The following NCOA2 variants were observed in gnomAD, a reference collection of about 807,000 sequenced individuals.
NCOA2 encodes nuclear receptor coactivator 2, also known as class E basic helix-loop-helix protein 75.
NCOA2 carries 21 observed loss-of-function variants against 145.1 expected under a neutral mutation model. That is an observed-to-expected ratio of 0.14 (90% confidence interval 0.10 to 0.21). The LOEUF (loss-of-function observed/expected upper bound fraction) is 0.21. NCOA2 is among the 10% of genes least tolerant of loss of function. NCOA2 has a pLI of 1.00. For synonymous variants in NCOA2, 619 were observed against 637.5 expected (o/e 0.97, Z 0.44); for missense variants, 1,472 against 1,837.6 (o/e 0.80, Z 3.64).
rs147816254 is a variant in NCOA2 at position 70,341,071 on chromosome 8, C to T, written c.-76-44271G>A. The stretch of plus-strand genomic sequence containing the variant: ...TACATCCTGCATGTGTACCCCTGAA[C>T]TTAAAAAGTTGAAAAAAAAAAAAAA... On this transcript the variant is annotated intron_variant, in intron 1 of 22. Coordinates refer to ENST00000452400, the MANE Select transcript of NCOA2 (RefSeq NM_006540.4). Among the ~76,000 whole-genome samples the T allele has an allele frequency of 8.7e-5, 10 of 114,974 alleles. No homozygotes were observed. The East Asian group carries it at 2.9e-3, about 33-fold the overall frequency. 75.4% of individuals were successfully genotyped at this position (114,974 alleles called of 152,430 possible).
chr8:70,226,017 A>T (rs1820601296), intron 2 of NCOA2, among the ~76,000 whole-genome samples: 1 of 152,234 alleles, frequency 6.6e-6, no homozygotes, highest in South Asian at 2.1e-4. Flanking sequence ...ATAAACTGTT[A>T]TCTGAATTTA....
At chr8:70,226,368 C>A (rs576140876) in intron 2 of NCOA2, among the ~76,000 whole-genome samples, 1 of 151,842 alleles carries the variant, frequency 6.6e-6, no homozygotes, top group African/African-American at 2.4e-5. Context: ...GCAAACCAAA[C>A]GGAATTTTTA....
At chr8:70,353,493 A>T (rs1486071644) in intron 1 of NCOA2, among the ~76,000 whole-genome samples, 1 of 148,266 alleles carries the variant, frequency 6.7e-6, no homozygotes. Context: ...TACTAGATGG[A>T]AAGACAGAAG....
chr8:70,403,281 G>C (rs1249535409), intron 1 of NCOA2, among the ~76,000 whole-genome samples: 2 of 151,124 alleles, frequency 1.3e-5, no homozygotes, highest in African/African-American at 4.8e-5. Context: ...ATGGGCACTC[G>C]CTCCTCGGGG....
At chr8:70,349,721 T>C (rs1157794680) in intron 1 of NCOA2, among the ~76,000 whole-genome samples, 1 of 152,160 alleles carries the variant, frequency 6.6e-6, no homozygotes, top group Non-Finnish European at 1.5e-5. Context: ...GGAAAAAATA[T>C]GTTCTAAATA....
chr8:70,177,345 C>A (rs533560510), intron 4 of NCOA2, among the ~76,000 whole-genome samples: 2 of 152,222 alleles, frequency 1.3e-5, no homozygotes, highest in South Asian at 2.1e-4. Context: ...AGTAGGCTAC[C>A]CGACTTGAAG....
intron 4 of NCOA2, among the ~76,000 whole-genome samples, chr8:70,179,684 T>C (rs1030893716): frequency 3.3e-5 from 5 of 152,240 alleles, no homozygotes; most frequent in African/African-American, 7.2e-5. Context: ...TTCTATCTTT[T>C]GCATCCATTA....
Position 70,325,989 on chromosome 8 carries a change from G to C in NCOA2, c.-76-29189C>G, listed in dbSNP as rs150102911. ...AGAGGCAGCTCAAATGAGGCCACTAGGAAACTAGCCTGCACTACTCCTCAC... is the reference window on the plus strand; with the variant it reads ...AGAGGCAGCTCAAATGAGGCCACTACGAAACTAGCCTGCACTACTCCTCAC... On this transcript the variant is annotated intron_variant, in intron 1 of 22. Coordinates refer to ENST00000452400, the MANE Select transcript of NCOA2 (RefSeq NM_006540.4). Among the ~76,000 whole-genome samples the C allele has an allele frequency of 6.2e-3, 949 of 152,254 alleles. 7 individuals are homozygous for C. The highest frequency in any genetic ancestry group is 0.02 in the Middle Eastern group (6 of 294).
At chr8:70,291,149 A>C (rs1405895128) in intron 2 of NCOA2, among the ~76,000 whole-genome samples, 2 of 152,206 alleles carry the variant, frequency 1.3e-5, no homozygotes, top group African/African-American at 4.8e-5. Context: ...CCAACAACAA[A>C]AACAACAAAC....
chr8:70,214,294 G>C (rs1819358167), intron 3 of NCOA2, among the ~76,000 whole-genome samples: 1 of 152,140 alleles, frequency 6.6e-6, no homozygotes. Context: ...TCTGTTCAAT[G>C]TGTTTGGCGT....
upstream of NCOA2, among the ~76,000 whole-genome samples, chr8:70,405,772 A>T (rs1814761676): frequency 6.6e-6 from 1 of 152,156 alleles, no homozygotes; most frequent in African/African-American, 2.4e-5. Context: ...CTGCAATCGT[A>T]GATTTCACAC....
the NCOA2 span, among the ~76,000 whole-genome samples, chr8:70,423,304 C>T: frequency 6.6e-6 from 1 of 152,200 alleles, no homozygotes; most frequent in African/African-American, 2.4e-5. Context: ...CTGCCTCAGC[C>T]TCCCAAGTAG....
chr8:70,367,029 G>T (rs1478419745), intron 1 of NCOA2, among the ~76,000 whole-genome samples: 2 of 152,202 alleles, frequency 1.3e-5, no homozygotes, highest in African/African-American at 4.8e-5. Context: ...ACACTGCACA[G>T]CAGAAATCTT....
intron 14 of NCOA2, among the ~76,000 whole-genome samples, chr8:70,138,960 A>G (rs1363268253): frequency 6.6e-6 from 1 of 152,254 alleles, no homozygotes; most frequent in Non-Finnish European, 1.5e-5. Flanking sequence ...TTAGTATGAA[A>G]ATAGTTTTGG....
chr8:70,137,969 C>T, intron 15 of NCOA2: 1 of 347,290 alleles, frequency 2.9e-6, no homozygotes, highest in Non-Finnish European at 5.1e-6. Context: ...CACACTACCT[C>T]AATATTACAG....
chr8:70,454,081 GT>G, the NCOA2 span, among the ~76,000 whole-genome samples: 5 of 152,146 alleles, frequency 3.3e-5, no homozygotes, highest in South Asian at 2.1e-4. Context: ...CTTGAAAATA[GT>G]TTTGCTTTAT....
chr8:70,128,665 G>C, intron 17 of NCOA2, 37 bp downstream of exon 17: 2 of 1,606,928 alleles, frequency 1.2e-6, no homozygotes, highest in Non-Finnish European at 1.7e-6. Context: ...CCTCCACCCA[G>C]CACCCCTGAC....
chr8:70,156,128 C>T lies in NCOA2; in HGVS notation c.2237G>A (p.Arg746His), dbSNP rs373132250. The T allele has an allele frequency of 1.2e-5, 19 of 1,613,870 alleles. No homozygotes were observed. Among genetic ancestry groups the T allele is most frequent in the African/African-American group, 2.7e-5 (2 of 74,998 alleles). The change falls in exon 11 of 23, where the codon CGC (arginine) becomes CAC (histidine). Residue 746 changes from arginine to histidine, a missense_variant. Arg to His is a conservative substitution (Grantham distance 29, BLOSUM62 0). Transcript: ENST00000452400. ...AGTATCATCTTTATCTAGCAAATAGCGAAGTAGTGCATTCTCTTTCTTCTT... is the reference window on the plus strand; with the variant it reads ...AGTATCATCTTTATCTAGCAAATAGTGAAGTAGTGCATTCTCTTTCTTCTT... ...SPKKKENALL[R>H]YLLDKDDTKD...
intron 9 of NCOA2, 112 bp from the exon 10 acceptor site, chr8:70,159,764 C>T: frequency 1.1e-6 from 1 of 936,126 alleles, no homozygotes; most frequent in East Asian, 2.7e-5. Flanking sequence ...AATAGTTTCC[C>T]ACCAGCATGT....
Sources: gnomAD v4.1 joint callset for allele counts (sites outside exome capture counted in the v4.1 genomes callset) on GRCh38, gnomAD v4.1.1 for gene constraint, MANE v1.5 for transcripts, NCBI Gene and HGNC (gene_info 2026-07-23, HGNC 2026-07-21) for gene names.